FGF14: variants seen among roughly 807,000 people sequenced by gnomAD.
FGF14 encodes the protein fibroblast growth factor homologous factor 4.
FGF14 carries 5 observed loss-of-function variants against 25.5 expected under a neutral mutation model. The observed-to-expected ratio is 0.20, with a 90% CI of 0.10 to 0.41. The LOEUF (loss-of-function observed/expected upper bound fraction) is 0.41. Among genes scored for constraint, FGF14 ranks in the 10% least tolerant of loss-of-function variants. The pLI, the probability that FGF14 is intolerant of heterozygous loss-of-function variation, is 1.00. For missense variants in FGF14, 222 were observed against 320.1 expected (o/e 0.69, Z 2.34); for synonymous variants, 138 against 118.3 (o/e 1.17, Z -1.08).
intron 1 of FGF14, among the ~76,000 whole-genome samples, chr13:102,200,798 G>A (rs765790517): frequency 6.6e-6 from 1 of 152,014 alleles, no homozygotes; most frequent in Non-Finnish European, 1.5e-5. Context: ...ACAACTTGAA[G>A]ATGTGGGCAG....
chr13:101,723,056 G>T, intron 4 of FGF14, 89 bp from the exon 5 acceptor site: 11 of 1,505,250 alleles, frequency 7.3e-6, no homozygotes, highest in Non-Finnish European at 1.8e-6. Flanking sequence ...GACCACTGCA[G>T]TTTGCCCATT....
intron 3 of FGF14, among the ~76,000 whole-genome samples, chr13:101,797,681 A>C (rs2140119826): frequency 6.6e-6 from 1 of 151,678 alleles, no homozygotes; most frequent in South Asian, 2.1e-4. Flanking sequence ...ATCTGACCAA[A>C]GAAAATGAAG....
chr13:102,248,067 A>G (rs968776130), intron 1 of FGF14, among the ~76,000 whole-genome samples: 21 of 152,046 alleles, frequency 1.4e-4, no homozygotes, highest in African/African-American at 5.1e-4. Flanking sequence ...AAGAGAAACA[A>G]CAGACACTGG....
intron 1 of FGF14, among the ~76,000 whole-genome samples, chr13:102,182,868 C>A (rs1408824585): frequency 6.6e-6 from 1 of 152,160 alleles, no homozygotes; most frequent in African/African-American, 2.4e-5. Context: ...CATATCCATT[C>A]TTCCTATGAC....
intron 1 of FGF14, among the ~76,000 whole-genome samples, chr13:102,080,078 C>T (rs1396917953): frequency 1.3e-5 from 2 of 152,084 alleles, no homozygotes; most frequent in East Asian, 1.9e-4. Context: ...TACAAACTTG[C>T]CTCCTCTTTT....
intron 1 of FGF14, among the ~76,000 whole-genome samples, chr13:102,191,132 A>G (rs565457178): frequency 2.6e-5 from 4 of 152,328 alleles, no homozygotes; most frequent in South Asian, 4.1e-4. Context: ...CCGGACTCAG[A>G]GATAACTCCT....
intron 2 of FGF14, among the ~76,000 whole-genome samples, chr13:101,871,447 G>T (rs1336169373): frequency 6.6e-6 from 1 of 152,128 alleles, no homozygotes; most frequent in Non-Finnish European, 1.5e-5. Context: ...AGGACGGTGA[G>T]AACTGCCGTC....
At chr13:102,205,810 T>G (rs1178454749) in intron 1 of FGF14, among the ~76,000 whole-genome samples, 1 of 146,040 alleles carries the variant, frequency 6.8e-6, no homozygotes, top group Non-Finnish European at 1.5e-5. Flanking sequence ...AACAAAAAAG[T>G]AGGAGCCCCT....
chr13:101,722,726 GCTTA>G lies in FGF14; in HGVS notation c.*101_*104del, dbSNP rs886049937. 5.8e-5 allele frequency: 86 copies of G among 1,489,924 alleles called. No homozygotes were observed. The highest frequency in any genetic ancestry group is 7.4e-5 in the Non-Finnish European group (80 of 1,074,362). 92.3% of individuals were successfully genotyped at this position (1,489,924 alleles called of 1,614,324 possible). A position where few individuals can be genotyped will look rare whatever the true frequency, so the allele number is the denominator to read the frequency against. On this transcript the variant is annotated 3_prime_UTR_variant, in exon 5 of 5. Transcript: ENST00000376143. ...CGGAGACAGCAAAGAATAAGCATTA[GCTTA>G]CTTCCTGCTGCTCTTCAGCCACGGA...
intron 4 of FGF14, among the ~76,000 whole-genome samples, chr13:101,724,286 A>C (rs2035210673): frequency 1.3e-5 from 2 of 152,046 alleles, no homozygotes; most frequent in Admixed American, 1.3e-4. Flanking sequence ...AAAAATGATG[A>C]GTTCATGGAC....
upstream of FGF14, chr13:102,401,839 T>C: frequency 1.5e-6 from 1 of 676,032 alleles, no homozygotes; most frequent in Non-Finnish European, 2.6e-6. Flanking sequence ...GAAAAAATCC[T>C]TTTTCAGCAT....
chr13:102,401,436 G>A, intron 1 of FGF14: 3 of 1,592,934 alleles, frequency 1.9e-6, no homozygotes, highest in South Asian at 1.1e-5. Flanking sequence ...AGGTTATTAT[G>A]AGGAAAAACA....
chr13:101,771,957 T>C (rs1487460300), intron 3 of FGF14, among the ~76,000 whole-genome samples: 2 of 152,080 alleles, frequency 1.3e-5, no homozygotes, highest in African/African-American at 4.8e-5. Context: ...AGATGTTATT[T>C]TCTGTCTGCT....
intron 1 of FGF14, among the ~76,000 whole-genome samples, chr13:101,876,752 T>C (rs1371770503): frequency 1.3e-5 from 2 of 152,178 alleles, no homozygotes; most frequent in Non-Finnish European, 2.9e-5. Context: ...CCTTATTCTG[T>C]AGTATATAAC....
chr13:102,197,360 A>G (rs2049409013), intron 1 of FGF14, among the ~76,000 whole-genome samples: 1 of 152,108 alleles, frequency 6.6e-6, no homozygotes, highest in African/African-American at 2.4e-5. Context: ...CCAGGGGTAC[A>G]CTGGAAGGTA....
intron 1 of FGF14, among the ~76,000 whole-genome samples, chr13:102,084,860 C>T (rs1228721825): frequency 1.3e-5 from 2 of 152,148 alleles, no homozygotes; most frequent in Non-Finnish European, 2.9e-5. Flanking sequence ...TGTGATACTC[C>T]TTACTACAAA....
chr13:101,935,819 C>T (rs1480665150), intron 1 of FGF14, among the ~76,000 whole-genome samples: 1 of 152,186 alleles, frequency 6.6e-6, no homozygotes, highest in African/African-American at 2.4e-5. Flanking sequence ...GCAAATGTCT[C>T]TTTTCTCCAC....
intron 3 of FGF14, 133 bp downstream of exon 3, chr13:101,868,592 A>T: frequency 1.4e-6 from 1 of 733,492 alleles, no homozygotes; most frequent in Non-Finnish European, 2.5e-6. Context: ...GCTTCTAAGC[A>T]TTCTCGCAAA....
At chr13:102,155,922 A>G (rs527916350) in intron 1 of FGF14, among the ~76,000 whole-genome samples, 15 of 152,362 alleles carry the variant, frequency 9.8e-5, no homozygotes, top group Admixed American at 9.8e-4. Context: ...AAATGGATAC[A>G]TTCCTCGACA....
Sources: allele counts gnomAD v4.1 joint callset (sites outside exome capture counted in the v4.1 genomes callset), GRCh38; gene constraint gnomAD v4.1.1; transcripts MANE v1.5; gene names NCBI Gene and HGNC (gene_info 2026-07-23, HGNC 2026-07-21).